The following CSTPP1 variants were observed in gnomAD, a reference collection of about 807,000 sequenced individuals.
CSTPP1 encodes UPF0705 protein C11orf49.
the CSTPP1 span, among the ~76,000 whole-genome samples, chr11:46,956,375 A>G: frequency 2.6e-5 from 4 of 152,264 alleles, no homozygotes; most frequent in Non-Finnish European, 5.9e-5. Flanking sequence ...CAATACAAAA[A>G]GAACTTTGTA....
the CSTPP1 span, among the ~76,000 whole-genome samples, chr11:47,114,946 A>G: frequency 1.3e-5 from 2 of 152,192 alleles, no homozygotes; most frequent in Non-Finnish European, 2.9e-5. Context: ...TTGCCCATTC[A>G]GTGTGATATT....
chr11:47,158,278 A>C, the CSTPP1 span, among the ~76,000 whole-genome samples: 1 of 151,948 alleles, frequency 6.6e-6, no homozygotes, highest in East Asian at 1.9e-4. Context: ...TTATATATCA[A>C]AGAGACCTGA....
chr11:47,122,091 A>AAAAATAAAT, the CSTPP1 span, among the ~76,000 whole-genome samples: 1 of 31,836 alleles, frequency 3.1e-5, no homozygotes, highest in Non-Finnish European at 6.4e-5. Context: ...AAAAAAAAAA[A>AAAAATAAAT]ATATATATAT....
At chr11:47,161,075 G>GCTGATT in the CSTPP1 span, 6 of 1,610,236 alleles carry the variant, frequency 3.7e-6, no homozygotes, top group Non-Finnish European at 5.1e-6. Flanking sequence ...GGAATCTGTT[G>GCTGATT]CCTGGCTGAA....
At chr11:47,037,065 C>T in the CSTPP1 span, among the ~76,000 whole-genome samples, 4 of 126,948 alleles carry the variant, frequency 3.2e-5, 1 homozygote, top group African/African-American at 9.9e-5. Context: ...GATCCTGGAA[C>T]ATCTTATTCT....
At chr11:46,977,473 T>G in the CSTPP1 span, among the ~76,000 whole-genome samples, 1 of 152,252 alleles carries the variant, frequency 6.6e-6, no homozygotes, top group Non-Finnish European at 1.5e-5. Flanking sequence ...CTAGCCTGCA[T>G]TTTCTATATC....
the CSTPP1 span, among the ~76,000 whole-genome samples, chr11:47,002,634 ACC>A: frequency 1.4e-5 from 2 of 145,234 alleles, no homozygotes; most frequent in African/African-American, 5.1e-5. Flanking sequence ...CCCCCACCCC[ACC>A]CCCTGCCTTC....
At chr11:47,092,123 C>CAACT in the CSTPP1 span, among the ~76,000 whole-genome samples, 5 of 152,236 alleles carry the variant, frequency 3.3e-5, no homozygotes, top group East Asian at 9.6e-4. Flanking sequence ...TTCCAGAATG[C>CAACT]AACTGTAGAG....
chr11:47,048,727 G>A, the CSTPP1 span, among the ~76,000 whole-genome samples: 1 of 151,978 alleles, frequency 6.6e-6, no homozygotes, highest in Non-Finnish European at 1.5e-5. Context: ...TGTTGGGGAT[G>A]ATGAAAAAGT....
the CSTPP1 span, chr11:47,052,404 C>T: frequency 1.1e-5 from 18 of 1,613,762 alleles, no homozygotes; most frequent in Non-Finnish European, 1.5e-5. Flanking sequence ...CAGTGTATGC[C>T]AGGGAACACA....
At chr11:47,132,882 G>T in the CSTPP1 span, among the ~76,000 whole-genome samples, 2 of 151,448 alleles carry the variant, frequency 1.3e-5, no homozygotes, top group African/African-American at 4.9e-5. Context: ...CCTCTTCCTA[G>T]CTGTTTCCTT....
the CSTPP1 span, among the ~76,000 whole-genome samples, chr11:47,132,175 T>C: frequency 9.2e-5 from 14 of 152,334 alleles, no homozygotes; most frequent in African/African-American, 3.1e-4. Flanking sequence ...TGGTTTCTCC[T>C]CATACCCCTG....
the CSTPP1 span, among the ~76,000 whole-genome samples, chr11:47,147,983 T>C: frequency 6.6e-6 from 1 of 152,024 alleles, no homozygotes; most frequent in East Asian, 1.9e-4. Context: ...GCAAGTAGGG[T>C]TTGGGATACC....
chr11:47,102,180 A>G, the CSTPP1 span, among the ~76,000 whole-genome samples: 165 of 152,332 alleles, frequency 1.1e-3, no homozygotes, highest in Middle Eastern at 0.01. Context: ...TCTACTGCCA[A>G]AAAGTAAGCC....
At chr11:47,013,662 G>A in the CSTPP1 span, among the ~76,000 whole-genome samples, 1 of 152,136 alleles carries the variant, frequency 6.6e-6, no homozygotes, top group Non-Finnish European at 1.5e-5. Flanking sequence ...ATGGGCATTT[G>A]GGTTGATTCT....
the CSTPP1 span, among the ~76,000 whole-genome samples, chr11:47,134,082 CTTATT>C: frequency 6.6e-6 from 1 of 152,188 alleles, no homozygotes; most frequent in Non-Finnish European, 1.5e-5. Context: ...TGCTCACCAG[CTTATT>C]TCATCCCTCT....
At chr11:47,093,275 A>G in the CSTPP1 span, among the ~76,000 whole-genome samples, 1 of 152,260 alleles carries the variant, frequency 6.6e-6, no homozygotes, top group African/African-American at 2.4e-5. Context: ...CTTTAACAGC[A>G]AAACTGCAAG....
the CSTPP1 span, among the ~76,000 whole-genome samples, chr11:47,059,214 G>A: frequency 6.6e-6 from 1 of 152,252 alleles, no homozygotes; most frequent in African/African-American, 2.4e-5. Context: ...GGTGAAGGAA[G>A]GGAAGTTAGA....
chr11:46,960,661 G>T, the CSTPP1 span, among the ~76,000 whole-genome samples: 2 of 152,072 alleles, frequency 1.3e-5, no homozygotes, highest in Non-Finnish European at 2.9e-5. Flanking sequence ...GACCAGCCTG[G>T]CCAACATGGT....
Sources: gnomAD v4.1 joint callset for allele counts (sites outside exome capture counted in the v4.1 genomes callset) on GRCh38, gnomAD v4.1.1 for gene constraint, MANE v1.5 for transcripts, NCBI Gene and HGNC (gene_info 2026-07-23, HGNC 2026-07-21) for gene names.